The following STOX2 variants were observed in gnomAD, a reference collection of about 807,000 sequenced individuals.
STOX2 encodes the protein storkhead-box protein 2.
In STOX2, 28 loss-of-function variants were observed where a neutral mutation model predicts 60.9. That is an observed-to-expected ratio of 0.46 (90% confidence interval 0.34 to 0.63). The LOEUF (loss-of-function observed/expected upper bound fraction) is 0.63. Among genes scored for constraint, STOX2 ranks in the 30% least tolerant of loss-of-function variants. The pLI is 0.01. For missense variants in STOX2, 1,024 were observed against 1,187.7 expected (o/e 0.86, Z 2.03); for synonymous variants, 472 against 463.9 (o/e 1.02, Z -0.22).
chr4:183,855,750 A>G (rs1006869600), intron 1 of STOX2, among the ~76,000 whole-genome samples: 2 of 152,246 alleles, frequency 1.3e-5, no homozygotes, highest in Non-Finnish European at 2.9e-5. Context: ...TGAGCAAGGA[A>G]GAAGACTATG....
At chr4:183,892,435 C>A (rs370084552) in intron 1 of STOX2, among the ~76,000 whole-genome samples, 28 of 151,680 alleles carry the variant, frequency 1.8e-4, no homozygotes, top group Admixed American at 1.7e-3. Flanking sequence ...CCCGCCACCA[C>A]GCCCGGCTAA....
intron 2 of STOX2, among the ~76,000 whole-genome samples, 170 bp from the exon 3 acceptor site, chr4:184,008,988 C>A (rs967284928): frequency 3.3e-5 from 5 of 152,044 alleles, no homozygotes; most frequent in African/African-American, 7.3e-5. Flanking sequence ...TAGGAGTTAC[C>A]CAAGAAGGCG....
At chr4:183,899,219 C>T (rs1050345072) in intron 1 of STOX2, among the ~76,000 whole-genome samples, 4 of 152,178 alleles carry the variant, frequency 2.6e-5, no homozygotes, top group Non-Finnish European at 4.4e-5. Context: ...CTCTCTCTCT[C>T]CCTCTGCTCT....
chr4:183,867,473 C>T (rs1016477933), intron 1 of STOX2, among the ~76,000 whole-genome samples: 9 of 152,302 alleles, frequency 5.9e-5, no homozygotes, highest in African/African-American at 1.4e-4. Flanking sequence ...GCCAGATGAG[C>T]TTTCAGCGAA....
intron 1 of STOX2, among the ~76,000 whole-genome samples, chr4:183,854,070 G>A (rs1342858547): frequency 6.6e-6 from 1 of 152,156 alleles, no homozygotes; most frequent in Non-Finnish European, 1.5e-5. Flanking sequence ...ATACTTCCAC[G>A]ATTTCTCTGT....
chr4:184,011,689 T>A lies in STOX2; in HGVS notation c.2585+266T>A, dbSNP rs1328835109. 6.9e-6 allele frequency: 9 copies of A among 1,313,548 alleles called. No homozygotes were observed. Among genetic ancestry groups the A allele is most frequent in the Middle Eastern group, 3.9e-4 (2 of 5,126 alleles). The allele number at this position is 1,313,548 out of a possible 1,614,324, so 81.4% of individuals were successfully genotyped here. A position where few individuals can be genotyped will look rare whatever the true frequency, so the allele number is the denominator to read the frequency against. ...ATCAGTCTGATCTAACTAAAACCAATATTTCCAGTATTTTTTCTGCTACGT... is the reference window on the plus strand; with the variant it reads ...ATCAGTCTGATCTAACTAAAACCAAAATTTCCAGTATTTTTTCTGCTACGT... On this transcript the variant is annotated intron_variant, in intron 3 of 3. Coordinates refer to ENST00000308497, the MANE Select transcript of STOX2 (RefSeq NM_020225.3). The surrounding 1 kb of genome is among the most constrained non-coding windows in gnomAD (Gnocchi z 4.4).
chr4:184,016,991 G>A, intron 3 of STOX2, 98 bp from the exon 4 acceptor site: 1 of 999,750 alleles, frequency 1.0e-6, no homozygotes, highest in Non-Finnish European at 1.4e-6. Context: ...ACCAACAGAG[G>A]AAATCCATTA....
rs1424745273 is a variant in STOX2, at chr4:183,881,601, G to T, written c.364+83546G>T. Among the ~76,000 whole-genome samples the T allele has an allele frequency of 2.0e-5, 3 of 152,196 alleles. No homozygotes were observed. In the East Asian group the frequency reaches 5.8e-4, roughly 29 times the overall value. On this transcript the variant is annotated intron_variant, in intron 1 of 2. Transcript: ENST00000513034. The stretch of plus-strand genomic sequence containing the variant: ...AATAACTAAATGGAATTTCTTCTGA[G>T]AACTAGAATTCAACATGAATTATTA...
chr4:183,841,551 G>A (rs1323213491), intron 1 of STOX2, among the ~76,000 whole-genome samples: 1 of 152,090 alleles, frequency 6.6e-6, no homozygotes, highest in Admixed American at 6.6e-5. Flanking sequence ...GGTAGCGTGC[G>A]ATTTCTTCCT....
rs374174459 is a variant in STOX2 at position 183,984,975 on chromosome 4, A to G, written c.167-16350A>G. Among the ~76,000 whole-genome samples, 16 of 152,278 alleles carry G rather than the reference A, an allele frequency of 1.1e-4. No individual in the cohort carries two copies. In the East Asian group the frequency reaches 1.3e-3, roughly 13 times the overall value. ...TGTCTTTGTTTCTCAGTGGAGGCCA[A>G]TGGTGTCCATTATGAAACCCACCGT... is the stretch of plus-strand genomic sequence containing the variant. On this transcript the variant is annotated intron_variant, in intron 1 of 3. Coordinates refer to ENST00000308497, the MANE Select transcript of STOX2 (RefSeq NM_020225.3).
chr4:183,854,780 A>T (rs1227209435), intron 1 of STOX2, among the ~76,000 whole-genome samples: 4 of 152,250 alleles, frequency 2.6e-5, no homozygotes, highest in African/African-American at 9.6e-5. Flanking sequence ...TTAATGACAG[A>T]TTGGAGAAGT....
intron 1 of STOX2, among the ~76,000 whole-genome samples, chr4:183,913,231 C>T (rs892259659): frequency 2.6e-5 from 4 of 152,162 alleles, no homozygotes; most frequent in African/African-American, 9.7e-5. Context: ...ATTTGTCTTA[C>T]TGTAACTCTG....
At position 183,850,903 on chromosome 4, in the gene STOX2, G is replaced by A. The variant is rs796121798; in HGVS notation, c.364+52848G>A. Among the ~76,000 whole-genome samples the A allele has an allele frequency of 3.4e-3, 87 of 25,432 alleles. No homozygotes were observed. In the South Asian group the frequency reaches 0.047, roughly 14 times the overall value. 16.7% of individuals were successfully genotyped at this position (25,432 alleles called of 152,430 possible). On this transcript the variant is annotated intron_variant, in intron 1 of 2. Coordinates refer to the STOX2 transcript ENST00000513034. Reference sequence around the variant, plus strand: ...GAGAAAGGATGAGAGAAACGATGAGGGAAAGGATGAGGGAAAGGATGAGGG... The same window carrying A: ...GAGAAAGGATGAGAGAAACGATGAGAGAAAGGATGAGGGAAAGGATGAGGG...
intron 2 of STOX2, among the ~76,000 whole-genome samples, chr4:184,006,933 G>A (rs369723541): frequency 0.021 from 3,003 of 141,022 alleles, 24 homozygotes; most frequent in Non-Finnish European, 0.031. Context: ...GGAGAATGGC[G>A]TGAACCCAGG....
At position 183,996,633 on chromosome 4, in the gene STOX2, A is replaced by G. The variant is rs571766056; in HGVS notation, c.167-4692A>G. On this transcript the variant is annotated intron_variant, in intron 1 of 3. Coordinates refer to ENST00000308497, the MANE Select transcript of STOX2 (RefSeq NM_020225.3). ...CCACAGAAGATTATGGTAAACTTGA[A>G]TAATGTTTATGTTGTGTTGAGAGAT... Among the ~76,000 whole-genome samples the G allele has an allele frequency of 5.3e-5, 8 of 152,332 alleles. No individual in the cohort carries two copies. In the East Asian group the frequency reaches 1.5e-3, roughly 29 times the overall value.
At chr4:183,847,633 A>G (rs767980955) in intron 1 of STOX2, among the ~76,000 whole-genome samples, 11 of 152,152 alleles carry the variant, frequency 7.2e-5, no homozygotes, top group Admixed American at 3.9e-4. Flanking sequence ...CAAGACCACA[A>G]TCGAACTGGA....
chr4:183,942,308 T>C (rs1742773699), intron 1 of STOX2, among the ~76,000 whole-genome samples: 1 of 150,186 alleles, frequency 6.7e-6, no homozygotes, highest in South Asian at 2.1e-4. Flanking sequence ...ATTTGCATTA[T>C]ATATATATAT....
intron 1 of STOX2, among the ~76,000 whole-genome samples, chr4:183,873,068 A>C (rs957207806): frequency 6.6e-6 from 1 of 152,212 alleles, no homozygotes; most frequent in Non-Finnish European, 1.5e-5. Flanking sequence ...ATACAAAGAC[A>C]GTCTAAGTCT....
At chr4:183,822,033 C>T (rs571974404) in intron 1 of STOX2, among the ~76,000 whole-genome samples, 1 of 152,316 alleles carries the variant, frequency 6.6e-6, no homozygotes, top group Non-Finnish European at 1.5e-5. Context: ...TGGGATTTGC[C>T]CTCCTGGGCA....
Sources: allele counts gnomAD v4.1 joint callset (sites outside exome capture counted in the v4.1 genomes callset), GRCh38; gene constraint gnomAD v4.1.1; non-coding constraint Gnocchi (gnomAD v3.1); transcripts MANE v1.5; gene names NCBI Gene and HGNC (gene_info 2026-07-23, HGNC 2026-07-21).